The following GALNTL6 variants were observed in gnomAD, a reference collection of about 807,000 sequenced individuals.
GALNTL6 encodes polypeptide N-acetylgalactosaminyltransferase-like 6.
In GALNTL6, 46 loss-of-function variants were observed where a neutral mutation model predicts 73.7. The observed-to-expected ratio is 0.62, with a 90% CI of 0.49 to 0.80. The LOEUF is 0.80. GALNTL6 is among the 30% of genes least tolerant of loss of function. The pLI is 0.00. For synonymous variants in GALNTL6, 259 were observed against 263.7 expected (o/e 0.98, Z 0.17); for missense variants, 604 against 755.0 (o/e 0.80, Z 2.34).
chr4:172,004,988 T>A (rs993334578), intron 2 of GALNTL6, among the ~76,000 whole-genome samples: 1 of 152,154 alleles, frequency 6.6e-6, no homozygotes, highest in Non-Finnish European at 1.5e-5. Context: ...GCTTAAGTTC[T>A]TTGAATAAGT....
chr4:172,418,733 A>G (rs1730938308), intron 5 of GALNTL6, among the ~76,000 whole-genome samples: 1 of 152,074 alleles, frequency 6.6e-6, no homozygotes, highest in Non-Finnish European at 1.5e-5. Context: ...TTTTCATTAT[A>G]CTCCGATACA....
intron 2 of GALNTL6, among the ~76,000 whole-genome samples, chr4:172,187,115 C>A (rs1735438680): frequency 6.6e-6 from 1 of 151,920 alleles, no homozygotes; most frequent in Non-Finnish European, 1.5e-5. Flanking sequence ...TTGCTGATTA[C>A]AAAATTGTAA....
At chr4:172,447,165 G>A (rs186056854) in intron 5 of GALNTL6, among the ~76,000 whole-genome samples, 20 of 152,156 alleles carry the variant, frequency 1.3e-4, no homozygotes, top group Non-Finnish European at 2.2e-4. Context: ...TCAAATAAGC[G>A]GTTCAAAGAG....
chr4:172,960,999 G>C (rs1750021775), intron 10 of GALNTL6, among the ~76,000 whole-genome samples: 1 of 140,374 alleles, frequency 7.1e-6, no homozygotes, highest in South Asian at 2.5e-4. Flanking sequence ...CGGGGAGAAG[G>C]GGTTGGGGGG....
chr4:172,564,818 G>A (rs996107776), intron 5 of GALNTL6, among the ~76,000 whole-genome samples: 4 of 152,204 alleles, frequency 2.6e-5, no homozygotes, highest in African/African-American at 4.8e-5. Context: ...AGCTTTCTCC[G>A]AGTAGATGAA....
intron 2 of GALNTL6, among the ~76,000 whole-genome samples, chr4:172,025,258 A>G (rs766875603): frequency 6.6e-6 from 1 of 152,016 alleles, no homozygotes; most frequent in Non-Finnish European, 1.5e-5. Flanking sequence ...TAGAGTGAAA[A>G]TTTCTTTGCA....
intron 10 of GALNTL6, among the ~76,000 whole-genome samples, chr4:173,008,203 C>T (rs10017507): frequency 0.12 from 17,662 of 152,276 alleles, 1,312 homozygotes; most frequent in Non-Finnish European, 0.18. Context: ...GTGGTTCACT[C>T]GCCTCCATCA....
intron 7 of GALNTL6, among the ~76,000 whole-genome samples, chr4:172,857,124 G>C (rs1270845827): frequency 6.6e-6 from 1 of 152,206 alleles, no homozygotes; most frequent in Admixed American, 6.5e-5. Context: ...ACCGACTTCA[G>C]TCTTCATCAC....
At chr4:172,794,016 G>T (rs559016346) in intron 5 of GALNTL6, among the ~76,000 whole-genome samples, 2 of 152,176 alleles carry the variant, frequency 1.3e-5, no homozygotes, top group South Asian at 4.1e-4. Flanking sequence ...CCTTCTGCCT[G>T]TCCAAGAAAA....
intron 7 of GALNTL6, among the ~76,000 whole-genome samples, chr4:172,872,270 G>A (rs1346075339): frequency 2.0e-5 from 3 of 152,174 alleles, no homozygotes; most frequent in Non-Finnish European, 4.4e-5. Context: ...GGGCGGGGGA[G>A]AAACTAATTT....
intron 11 of GALNTL6, among the ~76,000 whole-genome samples, chr4:173,010,809 G>T (rs1444178096): frequency 2.8e-5 from 4 of 145,326 alleles, no homozygotes; most frequent in South Asian, 2.2e-4. Context: ...GGTTCACCAT[G>T]TTGGCCAGAA....
intron 5 of GALNTL6, among the ~76,000 whole-genome samples, chr4:172,695,246 T>C (rs1733612450): frequency 6.6e-6 from 1 of 152,200 alleles, no homozygotes; most frequent in Admixed American, 6.5e-5. Flanking sequence ...AATGATTTAC[T>C]CTTGCTAAAA....
chr4:172,616,661 T>C (rs973472539), intron 5 of GALNTL6, among the ~76,000 whole-genome samples: 1 of 151,006 alleles, frequency 6.6e-6, no homozygotes, highest in Non-Finnish European at 1.5e-5. Context: ...AGAACCTGAG[T>C]GTTCTATTTG....
At chr4:171,872,143 C>T (rs1165876161) in intron 2 of GALNTL6, among the ~76,000 whole-genome samples, 2 of 152,080 alleles carry the variant, frequency 1.3e-5, no homozygotes, top group African/African-American at 2.4e-5. Flanking sequence ...CAGAGCAAAG[C>T]TAATATGTTG....
chr4:172,591,744 T>C (rs1737644969), intron 5 of GALNTL6, among the ~76,000 whole-genome samples: 1 of 152,168 alleles, frequency 6.6e-6, no homozygotes, highest in African/African-American at 2.4e-5. Context: ...CATCTCTCAT[T>C]TCGTAAAATC....
At chr4:172,133,754 A>C (rs1351931261) in intron 2 of GALNTL6, among the ~76,000 whole-genome samples, 2 of 152,214 alleles carry the variant, frequency 1.3e-5, no homozygotes, top group African/African-American at 2.4e-5. Flanking sequence ...ACTATGTTCA[A>C]AGCTGCAGAA....
rs10664817 is a variant in GALNTL6, at chr4:172,861,319, A to ATGTGTGTG, written c.924-21441_924-21434dup. On this transcript the variant is annotated intron_variant, in intron 7 of 12. Coordinates refer to ENST00000506823, the MANE Select transcript of GALNTL6 (RefSeq NM_001034845.3). ...GTTGTCTGGCTTGGTTTTTGCTTAC[A>ATGTGTGTG]TGTGTGTGTGTGTGTGTGTGTGTGT... Among the ~76,000 whole-genome samples the ATGTGTGTG allele has an allele frequency of 2.5e-3, 371 of 146,366 alleles. 1 individual carries two copies. The highest frequency in any genetic ancestry group is 8.3e-3 in the African/African-American group (312 of 37,468).
intron 5 of GALNTL6, among the ~76,000 whole-genome samples, chr4:172,674,512 C>G (rs1339991797): frequency 2.0e-5 from 3 of 152,108 alleles, no homozygotes; most frequent in Non-Finnish European, 4.4e-5. Context: ...ATTGGCCTGT[C>G]TTGCTAGGTT....
At chr4:172,483,280 C>T (rs1050030131) in intron 5 of GALNTL6, among the ~76,000 whole-genome samples, 4 of 151,926 alleles carry the variant, frequency 2.6e-5, no homozygotes, top group African/African-American at 9.7e-5. Context: ...CAAGATAATA[C>T]CTGAGATGAA....
Sources: gnomAD v4.1 joint callset for allele counts (sites outside exome capture counted in the v4.1 genomes callset) on GRCh38, gnomAD v4.1.1 for gene constraint, MANE v1.5 for transcripts, NCBI Gene and HGNC (gene_info 2026-07-23, HGNC 2026-07-21) for gene names.